EML5: variants seen among roughly 807,000 people sequenced by gnomAD.
EML5 encodes echinoderm microtubule-associated protein-like 5.
EML5 carries 120 observed loss-of-function variants against 250.0 expected under a neutral mutation model. The ratio of observed to expected loss-of-function variants is 0.48; its 90% CI spans 0.41 to 0.56. The LOEUF is 0.56. Ranked by LOEUF, EML5 falls within the 20% of genes least tolerant of loss-of-function variation. The pLI is 0.00. For synonymous variants in EML5, 771 were observed against 806.5 expected, an observed-to-expected ratio of 0.96 and a Z score of 0.75; for missense variants, 2,006 against 2,437.6, an observed-to-expected ratio of 0.82 and a Z score of 3.73.
intron 31 of EML5, 57 bp from the exon 32 acceptor site, chr14:88,638,964 G>C: frequency 1.5e-6 from 2 of 1,318,988 alleles, no homozygotes; most frequent in South Asian, 2.7e-5. Context: ...ACAGCCAAAA[G>C]CACTTACCCA....
chr14:88,688,397 T>G lies in EML5; in HGVS notation c.2616A>C (p.Gly872=). Residue 872 remains glycine (G), a synonymous_variant, in exon 18 of 44, where the codon GGA becomes GGC. Transcript: ENST00000554922. ...KNDTMMCAVY[G]WTEEMAFSGT... ...CAGAAAAAGCCATCTCTTCAGTCCATCCATACACTGCACACATCATTGTGT... is the reference window on the plus strand; with the variant it reads ...CAGAAAAAGCCATCTCTTCAGTCCAGCCATACACTGCACACATCATTGTGT... The G allele has an allele frequency of 6.2e-7, 1 of 1,614,004 alleles. No homozygotes were observed. Among genetic ancestry groups the G allele is most frequent in the South Asian group, 1.1e-5 (1 of 91,086 alleles).
chr14:88,727,627 A>T lies in EML5; in HGVS notation c.1050-949T>A, dbSNP rs187315255. Among the ~76,000 whole-genome samples the T allele has an allele frequency of 1.5e-3, 232 of 151,946 alleles. 1 individual carries two copies. The highest frequency in any genetic ancestry group is 1.9e-3 in the Non-Finnish European group (128 of 67,938). On this transcript the variant is annotated intron_variant, in intron 7 of 43. Transcript: ENST00000554922. The stretch of plus-strand genomic sequence containing the variant: ...TGGTCAGGCTGGTCTCAAACTCCCA[A>T]CCTCTGGTGATCCACCCACCTTGGC...
intron 1 of EML5, among the ~76,000 whole-genome samples, chr14:88,789,819 C>T (rs2094587855): frequency 6.6e-6 from 1 of 152,246 alleles, no homozygotes; most frequent in Non-Finnish European, 1.5e-5. Flanking sequence ...AACCTGAGGA[C>T]AATGATCTGC....
Position 88,642,882 on chromosome 14 carries a change from G to C in EML5, c.4237+11C>G. 1 of 1,594,242 alleles carries C rather than the reference G, an allele frequency of 6.3e-7. No individual in the cohort carries two copies. The highest frequency in any genetic ancestry group is 2.3e-5 in the East Asian group (1 of 43,790). ...AAATTGATAGAGGGATGGAGAATCAGGGTTTCCTACCTGTAGCAACATTGT... is the reference window on the plus strand; with the variant it reads ...AAATTGATAGAGGGATGGAGAATCACGGTTTCCTACCTGTAGCAACATTGT... On this transcript the variant is annotated intron_variant, in intron 31 of 43. Transcript: ENST00000554922.
chr14:88,736,604 A>C (rs777156507), intron 6 of EML5, 39 bp from the exon 7 acceptor site: 292 of 1,580,834 alleles, frequency 1.8e-4, no homozygotes, highest in Middle Eastern at 8.4e-4. Flanking sequence ...ATAATGCTGT[A>C]ATAATGATAG....
At chr14:88,738,559 T>C (rs1381887463) in intron 6 of EML5, among the ~76,000 whole-genome samples, 1 of 152,160 alleles carries the variant, frequency 6.6e-6, no homozygotes, top group Non-Finnish European at 1.5e-5. Context: ...TGTTAAATAG[T>C]TATATTTAGC....
intron 2 of EML5, among the ~76,000 whole-genome samples, chr14:88,748,068 G>A (rs1292765610): frequency 6.6e-6 from 1 of 152,200 alleles, no homozygotes; most frequent in Non-Finnish European, 1.5e-5. Flanking sequence ...GCACAGAAAG[G>A]TGGAATCCAA....
At chr14:88,662,173 T>G (rs947334935) in intron 24 of EML5, among the ~76,000 whole-genome samples, 4 of 151,976 alleles carry the variant, frequency 2.6e-5, no homozygotes, top group Non-Finnish European at 4.4e-5. Context: ...TGCATTATGT[T>G]TTCCAACTAA....
chr14:88,630,687 C>G (rs573091317), intron 33 of EML5, among the ~76,000 whole-genome samples: 3 of 152,300 alleles, frequency 2.0e-5, no homozygotes, highest in Admixed American at 6.5e-5. Context: ...TGTCCTCACG[C>G]AAAGTCAGGC....
rs559424715 is a variant in EML5 at position 88,738,805 on chromosome 14, C to G, written c.847+74G>C. On this transcript the variant is annotated intron_variant, in intron 6 of 43. Coordinates refer to ENST00000554922, the MANE Select transcript of EML5 (RefSeq NM_183387.3). ...TATATTTACAAAACTTACATTTATA[C>G]TCACTGAAAGAAAGAGATAATCTTT... The G allele has an allele frequency of 7.0e-5, 102 of 1,453,844 alleles. 1 individual carries two copies. In the South Asian group the frequency reaches 1.3e-3, roughly 18 times the overall value. 90.1% of individuals were successfully genotyped at this position (1,453,844 alleles called of 1,614,324 possible).
chr14:88,784,664 C>A (rs1392990567), intron 1 of EML5, among the ~76,000 whole-genome samples: 1 of 152,236 alleles, frequency 6.6e-6, no homozygotes, highest in Non-Finnish European at 1.5e-5. Context: ...ATCAAAACTA[C>A]AATGAGATAC....
intron 17 of EML5, among the ~76,000 whole-genome samples, chr14:88,693,546 G>A (rs762324877): frequency 1.3e-4 from 20 of 152,210 alleles, no homozygotes; most frequent in Non-Finnish European, 2.8e-4. Flanking sequence ...AAGTGAAGGT[G>A]AGATTTGGGT....
chr14:88,776,538 G>A (rs1310485731), intron 1 of EML5, among the ~76,000 whole-genome samples: 3 of 151,906 alleles, frequency 2.0e-5, no homozygotes, highest in African/African-American at 7.3e-5. Flanking sequence ...GAATTAGTGA[G>A]TCTGAAGACA....
chr14:88,748,276 C>T (rs1198817065), intron 2 of EML5, among the ~76,000 whole-genome samples: 1 of 152,106 alleles, frequency 6.6e-6, no homozygotes, highest in African/African-American at 2.4e-5. Context: ...AGAACAATTA[C>T]TAGAGAGCTA....
chr14:88,741,238 A>C (rs769786989), intron 4 of EML5, among the ~76,000 whole-genome samples: 11 of 152,306 alleles, frequency 7.2e-5, no homozygotes, highest in Non-Finnish European at 1.5e-4. Flanking sequence ...TCATAGACTA[A>C]GAAGAAGAAA....
At chr14:88,687,476 T>TGGGCCGGGCGCG in intron 18 of EML5, 149 bp from the exon 19 acceptor site, 1 of 602,470 alleles carries the variant, frequency 1.7e-6, no homozygotes, top group South Asian at 2.5e-5. Flanking sequence ...GAATCCATTG[T>TGGGCCGGGCGCG]GTTTTTAAAC....
rs2090118728 is a variant in EML5, at chr14:88,627,824, A to G, written c.4358-5T>C. 1 of 1,573,426 alleles carries G rather than the reference A, an allele frequency of 6.4e-7. No homozygotes were observed. The highest frequency in any genetic ancestry group is 1.3e-5 in the African/African-American group (1 of 74,220). On this transcript the variant is annotated splice_polypyrimidine_tract_variant and splice_region_variant and intron_variant, in intron 33 of 43. Coordinates refer to ENST00000554922, the MANE Select transcript of EML5 (RefSeq NM_183387.3). ...TGTGAATAGAAGGAGCTGTAGCTAA[A>G]TAAAGATAGTATCAAAAAGTTGTAA... is the stretch of plus-strand genomic sequence containing the variant.
chr14:88,667,455 C>A (rs958947908), intron 21 of EML5, among the ~76,000 whole-genome samples: 1 of 152,168 alleles, frequency 6.6e-6, no homozygotes. Flanking sequence ...AGGGTAGCTG[C>A]ATCTCTTTGG....
chr14:88,638,957 G>T, intron 31 of EML5, 50 bp from the exon 32 acceptor site: 1 of 1,383,636 alleles, frequency 7.2e-7, no homozygotes, highest in Non-Finnish European at 9.9e-7. Flanking sequence ...AGATGTAACA[G>T]CCAAAAGCAC....
Sources: allele counts gnomAD v4.1 joint callset (sites outside exome capture counted in the v4.1 genomes callset), GRCh38; gene constraint gnomAD v4.1.1; transcripts MANE v1.5; gene names NCBI Gene and HGNC (gene_info 2026-07-23, HGNC 2026-07-21).